Variants in LDLRAD3 observed in about 807,000 individuals in gnomAD.
LDLRAD3 encodes low density lipoprotein receptor class A domain containing 3, also known as low-density lipoprotein receptor class A domain-containing protein 3.
Under a neutral mutation model 29.4 loss-of-function variants are expected in LDLRAD3, and 20 were observed. That is an observed-to-expected ratio of 0.68 (90% CI 0.48 to 0.99). The LOEUF (loss-of-function observed/expected upper bound fraction) is 0.99, where lower values mean the gene tolerates loss of function less well. Among genes scored for constraint, LDLRAD3 ranks in the 50% least tolerant of loss-of-function variants. LDLRAD3 has a pLI of 0.00. For missense variants in LDLRAD3, 420 were observed against 454.3 expected, an observed-to-expected ratio of 0.92 and a Z score of 0.69; for synonymous variants, 157 against 192.7, an observed-to-expected ratio of 0.81 and a Z score of 1.53.
intron 1 of LDLRAD3, chr11:35,972,709 A>G (rs1851428112): frequency 6.6e-6 from 1 of 152,198 alleles, no homozygotes; most frequent in African/African-American, 2.4e-5. Context: ...ATTGATTTGA[A>G]TTTTATTGTT....
At chr11:35,988,400 C>A (rs545974157) in intron 1 of LDLRAD3, among the ~76,000 whole-genome samples, 57 of 152,086 alleles carry the variant, frequency 3.7e-4, no homozygotes, top group African/African-American at 1.3e-3. Flanking sequence ...TGTCTTTTGC[C>A]CACTTTTTAA....
At chr11:36,133,392 T>TAA (rs1853956640) in intron 4 of LDLRAD3, among the ~76,000 whole-genome samples, 1 of 148,312 alleles carries the variant, frequency 6.7e-6, no homozygotes, top group Non-Finnish European at 1.5e-5. Context: ...TCTTTTCTTT[T>TAA]CTTTTGGAAA....
chr11:36,183,164 A>C (rs750843718), intron 4 of LDLRAD3, among the ~76,000 whole-genome samples: 6 of 152,212 alleles, frequency 3.9e-5, no homozygotes, highest in Non-Finnish European at 8.8e-5. Context: ...CAGAGAGCTT[A>C]AGTGATCCAG....
chr11:36,196,029 C>CAAA (rs35180520), intron 4 of LDLRAD3, among the ~76,000 whole-genome samples: 246 of 138,566 alleles, frequency 1.8e-3, no homozygotes, highest in African/African-American at 6.2e-3. Context: ...CCCCAAAAGA[C>CAAA]AAAAAAAAAA....
rs1851360674 is a variant in LDLRAD3 at position 35,967,774 on chromosome 11, G to A, written c.46+23630G>A. 3 of 466,964 alleles carry A rather than the reference G, an allele frequency of 6.4e-6. No homozygotes were observed. The Admixed American group carries it at 7.1e-5, about 11-fold the overall frequency. 28.9% of individuals were successfully genotyped at this position (466,964 alleles called of 1,614,324 possible). On this transcript the variant is annotated intron_variant, in intron 1 of 5. Coordinates refer to ENST00000315571, the MANE Select transcript of LDLRAD3 (RefSeq NM_174902.4). ...TGTCCTTGAGTTTTGGCTCTTGGAA[G>A]TGATTAGTAGACTTAGTGTTTTCAG...
chr11:36,000,482 A>G (rs1461795394), intron 1 of LDLRAD3, among the ~76,000 whole-genome samples: 4 of 151,738 alleles, frequency 2.6e-5, no homozygotes, highest in Non-Finnish European at 5.9e-5. Flanking sequence ...CATCTCAGTA[A>G]TATTTTATTA....
intron 4 of LDLRAD3, among the ~76,000 whole-genome samples, chr11:36,169,853 G>C (rs905962759): frequency 2.6e-5 from 4 of 152,066 alleles, no homozygotes; most frequent in African/African-American, 9.7e-5. Flanking sequence ...TCTATTTTTA[G>C]GTTTTTGTAT....
At chr11:36,164,135 A>G (rs1331610237) in intron 4 of LDLRAD3, among the ~76,000 whole-genome samples, 1 of 152,192 alleles carries the variant, frequency 6.6e-6, no homozygotes, top group Non-Finnish European at 1.5e-5. Flanking sequence ...AGCTGATATC[A>G]TGGTTGAGCC....
At chr11:36,065,464 GC>G (rs566401531) in intron 2 of LDLRAD3, among the ~76,000 whole-genome samples, 86 of 152,280 alleles carry the variant, frequency 5.6e-4, no homozygotes, top group African/African-American at 1.9e-3. Context: ...TTAGCTCATA[GC>G]TACCAAGAGA....
intron 1 of LDLRAD3, chr11:35,988,964 A>G (rs1246852570): frequency 6.6e-6 from 1 of 152,194 alleles, no homozygotes; most frequent in East Asian, 1.9e-4. Context: ...ACTGATGTCC[A>G]GAATAGTATT....
At chr11:35,955,494 C>T (rs772331702) in intron 1 of LDLRAD3, among the ~76,000 whole-genome samples, 5 of 152,122 alleles carry the variant, frequency 3.3e-5, no homozygotes, top group Non-Finnish European at 5.9e-5. Flanking sequence ...TGCTCACTTT[C>T]GGACACGTAG....
intron 1 of LDLRAD3, among the ~76,000 whole-genome samples, chr11:36,023,627 ACT>A (rs1206187492): frequency 6.6e-6 from 1 of 152,056 alleles, no homozygotes; most frequent in Non-Finnish European, 1.5e-5. Flanking sequence ...AATGCTGAAG[ACT>A]CTATCTAGGA....
Position 36,231,664 on chromosome 11 carries a change from G to A in LDLRAD3, c.*2267G>A, listed in dbSNP as rs951769864. ...CTAATGCTTTTTTAAAACAAACAGG[G>A]ACATTTTTATTATAGATTTGATTTT... On this transcript the variant is annotated 3_prime_UTR_variant, in exon 6 of 6. Transcript: ENST00000315571. The A allele has an allele frequency of 1.3e-5, 2 of 151,858 alleles. No individual in the cohort carries two copies. Among genetic ancestry groups the A allele is most frequent in the African/African-American group, 4.8e-5 (2 of 41,308 alleles). The allele number at this position is 151,858 out of a possible 1,614,324, so 9.4% of individuals were successfully genotyped here. A position where few individuals can be genotyped will look rare whatever the true frequency, so the allele number is the denominator to read the frequency against.
At chr11:36,215,107 G>A (rs1039940241) in intron 4 of LDLRAD3, among the ~76,000 whole-genome samples, 3 of 152,294 alleles carry the variant, frequency 2.0e-5, no homozygotes, top group South Asian at 2.1e-4. Context: ...TGAGTGATGC[G>A]GATGCCCTGG....
intron 4 of LDLRAD3, among the ~76,000 whole-genome samples, chr11:36,139,787 G>A (rs925538546): frequency 5.9e-5 from 9 of 152,276 alleles, no homozygotes; most frequent in East Asian, 1.9e-4. Flanking sequence ...AAGGGATAGC[G>A]TGGGAGTGCC....
intron 1 of LDLRAD3, among the ~76,000 whole-genome samples, chr11:36,011,212 C>T (rs1851951711): frequency 6.6e-6 from 1 of 152,154 alleles, no homozygotes; most frequent in Non-Finnish European, 1.5e-5. Flanking sequence ...TTTAGGTGCA[C>T]ACTTCTTCTC....
Position 36,229,627 on chromosome 11 carries a change from T to TTAA in LDLRAD3, c.*231_*232insAAT. The TTAA allele has an allele frequency of 2.1e-6, 1 of 470,938 alleles. No individual in the cohort carries two copies. The highest frequency in any genetic ancestry group is 4.8e-5 in the South Asian group (1 of 20,798). 29.2% of individuals were successfully genotyped at this position (470,938 alleles called of 1,614,324 possible). On this transcript the variant is annotated 3_prime_UTR_variant, in exon 6 of 6. Transcript: ENST00000315571. ...TCTTTTCTGTCAGGTCACTCTTCCC[T>TTAA]TGGGACCCGAGATCACACCCTCATT... is the stretch of plus-strand genomic sequence containing the variant.
chr11:36,172,180 C>T (rs1388030920), intron 4 of LDLRAD3, among the ~76,000 whole-genome samples: 3 of 152,082 alleles, frequency 2.0e-5, no homozygotes, highest in Non-Finnish European at 4.4e-5. Context: ...GATTTTGTAT[C>T]CTGAAACTTT....
rs1851035049 is a variant in LDLRAD3 at position 35,944,743 on chromosome 11, G to C, written c.46+599G>C. On this transcript the variant is annotated intron_variant, in intron 1 of 5. Coordinates refer to ENST00000315571, the MANE Select transcript of LDLRAD3 (RefSeq NM_174902.4). The surrounding 1 kb of genome is among the most constrained non-coding windows in gnomAD (Gnocchi z 4.9). ...ATCTGGGAATTCATTTTTCCCCACT[G>C]ATCCTGGGAACCGAAGCTTTATTTA... 6.6e-6 allele frequency among the ~76,000 whole-genome samples: 1 copy of C among 152,206 alleles called. No individual in the cohort carries two copies. The highest frequency in any genetic ancestry group is 2.4e-5 in the African/African-American group (1 of 41,454).
Sources: gnomAD v4.1 joint callset for allele counts (sites outside exome capture counted in the v4.1 genomes callset) on GRCh38, gnomAD v4.1.1 for gene constraint, Gnocchi (gnomAD v3.1) non-coding constraint, MANE v1.5 for transcripts, NCBI Gene and HGNC (gene_info 2026-07-23, HGNC 2026-07-21) for gene names.